The following DAGLA variants were observed in gnomAD, a reference collection of about 807,000 sequenced individuals.
DAGLA encodes the protein diacylglycerol lipase alpha.
DAGLA carries 22 observed loss-of-function variants against 102.6 expected under a neutral mutation model. The observed-to-expected ratio is 0.21, with a 90% confidence interval of 0.15 to 0.31. DAGLA has a LOEUF of 0.31. Among genes scored for constraint, DAGLA ranks in the 10% least tolerant of loss-of-function variants. The pLI is 1.00. For synonymous variants in DAGLA, 578 were observed against 628.9 expected (o/e 0.92, Z 1.21); for missense variants, 927 against 1,446.6 (o/e 0.64, Z 5.83).
chr11:61,733,722 C>G (rs1204676060), intron 9 of DAGLA, among the ~76,000 whole-genome samples: 1 of 152,222 alleles, frequency 6.6e-6, no homozygotes, highest in Admixed American at 6.5e-5. Context: ...GGGGATACAG[C>G]TGTGGACCTC....
At chr11:61,705,847 C>G (rs1476191058) in intron 1 of DAGLA, among the ~76,000 whole-genome samples, 1 of 152,230 alleles carries the variant, frequency 6.6e-6, no homozygotes, top group African/African-American at 2.4e-5. Flanking sequence ...CTTTTCTACT[C>G]TGAGAGCCTG....
Position 61,743,751 on chromosome 11 carries a change from C to T in DAGLA, c.2391C>T (p.Ser797=). The T allele has an allele frequency of 6.2e-7, 1 of 1,612,390 alleles. No homozygotes were observed. Among genetic ancestry groups the T allele is most frequent in the Non-Finnish European group, 8.5e-7 (1 of 1,179,880 alleles). The change falls in exon 20 of 20, where the codon TCC becomes TCT. Residue 797 remains serine, a synonymous_variant. Transcript: ENST00000257215. The part of the protein sequence containing the change: ...ESLYSFDSRR[S]SGFRSIRGSP... ...TGTACAGCTTCGACTCGCGCCGCTC[C>T]TCAGGCTTCCGCAGCATCCGGGGCT...
intron 4 of DAGLA, 131 bp downstream of exon 4, chr11:61,723,091 T>A: frequency 1.3e-6 from 1 of 768,030 alleles, no homozygotes; most frequent in Non-Finnish European, 2.2e-6. Context: ...GCAGGTTGGC[T>A]GGGCGAGACT....
intron 1 of DAGLA, among the ~76,000 whole-genome samples, chr11:61,698,568 C>T (rs981046357): frequency 2.6e-5 from 4 of 152,200 alleles, no homozygotes; most frequent in East Asian, 1.9e-4. Flanking sequence ...AAGGAAACCT[C>T]GTACCCCACC....
chr11:61,734,298 G>C lies in DAGLA; in HGVS notation c.975-551G>C, dbSNP rs2065404568. Among the ~76,000 whole-genome samples, 1 of 151,968 alleles carries C rather than the reference G, an allele frequency of 6.6e-6. No homozygotes were observed. Among genetic ancestry groups the C allele is most frequent in the African/African-American group, 2.4e-5 (1 of 41,366 alleles). Reference sequence around the variant, plus strand: ...AGGAGCCACAGACAGTTGCAAGCCAGAGGCCAAGCCACCGAGGGGCCTTGG... The same window carrying C: ...AGGAGCCACAGACAGTTGCAAGCCACAGGCCAAGCCACCGAGGGGCCTTGG... On this transcript the variant is annotated intron_variant, in intron 9 of 19. Coordinates refer to ENST00000257215, the MANE Select transcript of DAGLA (RefSeq NM_006133.3). The surrounding 1 kb of genome is among the most constrained non-coding windows in gnomAD (Gnocchi z 4.2).
chr11:61,731,294 G>A (rs576020525), intron 8 of DAGLA, 23 bp from the exon 9 acceptor site: 16 of 1,612,090 alleles, frequency 9.9e-6, no homozygotes, highest in Admixed American at 6.7e-5. Flanking sequence ...GGAGGTGACC[G>A]CCCTCTGCCT....
chr11:61,735,483 A>G, intron 10 of DAGLA, 78 bp from the exon 11 acceptor site: 1 of 1,319,070 alleles, frequency 7.6e-7, no homozygotes, highest in South Asian at 1.3e-5. Flanking sequence ...CTGGCCAGGA[A>G]GGAGACCTGC....
chr11:61,717,653 G>A (rs965560049), intron 1 of DAGLA, among the ~76,000 whole-genome samples: 1 of 152,224 alleles, frequency 6.6e-6, no homozygotes, highest in African/African-American at 2.4e-5. Flanking sequence ...AAACCAGCCA[G>A]CCTGGCACTT....
intron 1 of DAGLA, among the ~76,000 whole-genome samples, chr11:61,712,708 C>T (rs1026780693): frequency 1.3e-5 from 2 of 152,202 alleles, no homozygotes; most frequent in Non-Finnish European, 2.9e-5. Flanking sequence ...TTCTCTCCGT[C>T]GTCTCCCTTG....
chr11:61,742,735 C>T (rs1275366056), intron 19 of DAGLA, among the ~76,000 whole-genome samples: 1 of 152,100 alleles, frequency 6.6e-6, no homozygotes, highest in African/African-American at 2.4e-5. Flanking sequence ...GCAGGGCTCT[C>T]TCCCTTCCCT....
intron 1 of DAGLA, among the ~76,000 whole-genome samples, chr11:61,708,505 C>G (rs920751256): frequency 2.6e-5 from 4 of 152,082 alleles, no homozygotes; most frequent in Non-Finnish European, 4.4e-5. Flanking sequence ...CTCAGCCTCT[C>G]GAGTAGCTGG....
Position 61,736,162 on chromosome 11 carries a change from C to G in DAGLA, c.1291-108C>G, listed in dbSNP as rs147970027. The G allele has an allele frequency of 5.8e-4, 551 of 944,678 alleles. 4 individuals carry two copies. In the African/African-American group the frequency reaches 7.0e-3, roughly 12 times the overall value. The allele number at this position is 944,678 out of a possible 1,614,324, so 58.5% of individuals were successfully genotyped here. On this transcript the variant is annotated intron_variant, in intron 12 of 19. Transcript: ENST00000257215. ...CCCACAGCTGGGTTGTCACGAGGCC[C>G]AAAGGGAAAAATGGATGGGGCAGGG...
rs1317383232 is a variant in DAGLA at position 61,686,151 on chromosome 11, CAA to C, written c.-45+5649_-45+5650del. ...CACTCTGCAGGGGAAAGGGGAGAGA[CAA>C]AGCCTGGTTGATTATGGAAGGGAGA... On this transcript the variant is annotated intron_variant, in intron 1 of 19. Coordinates refer to ENST00000257215, the MANE Select transcript of DAGLA (RefSeq NM_006133.3). The surrounding 1 kb of genome is among the most constrained non-coding windows in gnomAD (Gnocchi z 5.2). 2.0e-5 allele frequency among the ~76,000 whole-genome samples: 3 copies of C among 151,818 alleles called. No homozygotes were observed. The highest frequency in any genetic ancestry group is 4.4e-5 in the Non-Finnish European group (3 of 67,986).
At chr11:61,714,143 T>C (rs917164809) in intron 1 of DAGLA, among the ~76,000 whole-genome samples, 22 of 152,202 alleles carry the variant, frequency 1.4e-4, no homozygotes, top group African/African-American at 5.3e-4. Flanking sequence ...ATGTCTCACA[T>C]GTGTGCAATG....
chr11:61,740,320 G>C (rs1201574514), intron 17 of DAGLA, 143 bp from the exon 18 acceptor site: 7 of 1,099,830 alleles, frequency 6.4e-6, no homozygotes, highest in African/African-American at 1.6e-5. Flanking sequence ...CCAGGGAACA[G>C]AGCCCTGCTG....
chr11:61,728,405 GC>G, intron 7 of DAGLA, 118 bp downstream of exon 7: 1 of 1,298,092 alleles, frequency 7.7e-7, no homozygotes, highest in Non-Finnish European at 1.1e-6. Flanking sequence ...CAGTGACCAC[GC>G]ACTCTCTTGG....
At chr11:61,696,413 C>T (rs1415711409) in intron 1 of DAGLA, among the ~76,000 whole-genome samples, 2 of 152,176 alleles carry the variant, frequency 1.3e-5, no homozygotes, top group African/African-American at 4.8e-5. Flanking sequence ...TCAAGGACAC[C>T]ACCCCCACTT....
intron 2 of DAGLA, among the ~76,000 whole-genome samples, 198 bp from the exon 3 acceptor site, chr11:61,720,481 T>G (rs2065272577): frequency 6.6e-6 from 1 of 152,188 alleles, no homozygotes; most frequent in African/African-American, 2.4e-5. Context: ...TGTCTCCCCA[T>G]GGCTGACCCT....
chr11:61,735,447 C>T, intron 10 of DAGLA, 114 bp from the exon 11 acceptor site: 1 of 899,006 alleles, frequency 1.1e-6, no homozygotes, highest in Non-Finnish European at 1.7e-6. Flanking sequence ...GCGGCAGAGG[C>T]TCCGTGGCTG....
Sources: allele counts gnomAD v4.1 joint callset (sites outside exome capture counted in the v4.1 genomes callset), GRCh38; gene constraint gnomAD v4.1.1; non-coding constraint Gnocchi (gnomAD v3.1); transcripts MANE v1.5; gene names NCBI Gene and HGNC (gene_info 2026-07-23, HGNC 2026-07-21).